CCDC18: variants seen among roughly 807,000 people sequenced by gnomAD.
CCDC18 encodes the protein coiled-coil domain containing 18.
In CCDC18, 157 loss-of-function variants were observed where a neutral mutation model predicts 196.0. The observed-to-expected ratio is 0.80, with a 90% CI of 0.70 to 0.91. The LOEUF (loss-of-function observed/expected upper bound fraction) is 0.91, where lower values mean the gene tolerates loss of function less well. Among genes scored for constraint, CCDC18 ranks in the 40% least tolerant of loss-of-function variants. CCDC18 has a pLI of 0.00. For missense variants in CCDC18, 1,465 were observed against 1,611.6 expected, an observed-to-expected ratio of 0.91 and a Z score of 1.56; for synonymous variants, 482 against 529.2, an observed-to-expected ratio of 0.91 and a Z score of 1.22.
At chr1:93,210,778 A>C in intron 9 of CCDC18, 24 bp from the exon 10 acceptor site, 3 of 1,545,274 alleles carry the variant, frequency 1.9e-6, no homozygotes, top group Non-Finnish European at 1.8e-6. Flanking sequence ...ATAAGTTTAC[A>C]TATGTTTGTT....
chr1:93,224,652 G>A (rs1658005315), intron 16 of CCDC18, among the ~76,000 whole-genome samples: 1 of 152,072 alleles, frequency 6.6e-6, no homozygotes, highest in South Asian at 2.1e-4. Flanking sequence ...TTATTTTAAG[G>A]GCATACATTT....
intron 24 of CCDC18, among the ~76,000 whole-genome samples, chr1:93,255,704 C>T (rs925574901): frequency 6.6e-6 from 1 of 150,624 alleles, no homozygotes; most frequent in Non-Finnish European, 1.5e-5. Context: ...CCACTGCCCT[C>T]CAATCTGGGC....
chr1:93,198,085 G>C (rs1653101436), intron 6 of CCDC18, among the ~76,000 whole-genome samples: 1 of 152,100 alleles, frequency 6.6e-6, no homozygotes, highest in Non-Finnish European at 1.5e-5. Flanking sequence ...GTGTAAATTG[G>C]TAGAACCACT....
intron 12 of CCDC18, among the ~76,000 whole-genome samples, chr1:93,216,413 ATT>A (rs1418386760): frequency 6.6e-6 from 1 of 152,146 alleles, no homozygotes; most frequent in East Asian, 1.9e-4. Flanking sequence ...TGTTTTCAGT[ATT>A]TGTTTTTCTT....
intron 28 of CCDC18, among the ~76,000 whole-genome samples, chr1:93,277,183 C>T (rs2101594381): frequency 2.8e-5 from 1 of 35,968 alleles, no homozygotes; most frequent in Middle Eastern, 5.6e-3. Flanking sequence ...CGGTTTTTCC[C>T]TATCTCAGTA....
At chr1:93,268,081 T>A (rs1173431600) in intron 27 of CCDC18, among the ~76,000 whole-genome samples, 1 of 152,084 alleles carries the variant, frequency 6.6e-6, no homozygotes, top group East Asian at 1.9e-4. Flanking sequence ...AACAGAGATA[T>A]AGACCAATGG....
intron 21 of CCDC18, among the ~76,000 whole-genome samples, chr1:93,240,476 C>A (rs1416072686): frequency 6.6e-6 from 1 of 151,948 alleles, no homozygotes; most frequent in Non-Finnish European, 1.5e-5. Context: ...GGTGTACAGC[C>A]AGATTAGAGC....
chr1:93,221,506 C>T, intron 14 of CCDC18, 103 bp from the exon 15 acceptor site: 3 of 812,920 alleles, frequency 3.7e-6, no homozygotes, highest in South Asian at 3.2e-5. Context: ...TGGCAAAATA[C>T]AAAAATCTAT....
chr1:93,180,882 G>A (rs886442411), intron 1 of CCDC18, 30 bp downstream of exon 1: 1 of 1,365,572 alleles, frequency 7.3e-7, no homozygotes, highest in Non-Finnish European at 9.8e-7. Context: ...CGATTTGGGT[G>A]GTGAGCGACT....
chr1:93,209,434 T>C lies in CCDC18; in HGVS notation c.1210-1368T>C, dbSNP rs184323401. ...ATAGGTAAATATATTATGGTTGGTT[T>C]CAGATATGAATGTATGGTAGACTAG... On this transcript the variant is annotated intron_variant, in intron 9 of 28. Transcript: ENST00000690025. 4.6e-5 allele frequency among the ~76,000 whole-genome samples: 7 copies of C among 152,330 alleles called. No individual in the cohort carries two copies. The East Asian group carries it at 1.3e-3, about 29-fold the overall frequency.
chr1:93,200,168 T>C (rs573081384), intron 6 of CCDC18, among the ~76,000 whole-genome samples: 9 of 151,892 alleles, frequency 5.9e-5, no homozygotes, highest in Non-Finnish European at 8.8e-5. Context: ...GTAGAGACGA[T>C]CTCACTACGT....
Position 93,263,325 on chromosome 1 carries a change from T to A in CCDC18, c.3685-1376T>A, listed in dbSNP as rs535087511. Among the ~76,000 whole-genome samples the A allele has an allele frequency of 2.0e-5, 3 of 152,362 alleles. No homozygotes were observed. The South Asian group carries it at 6.2e-4, about 32-fold the overall frequency. On this transcript the variant is annotated intron_variant, in intron 26 of 28. Transcript: ENST00000690025. ...CTACCACATGGCCAAGCTGCAATTT[T>A]TTTTTAACTTTTATGCTCTGCTTCC... is the stretch of plus-strand genomic sequence containing the variant.
At chr1:93,277,522 C>T (rs7520340) in intron 28 of CCDC18, among the ~76,000 whole-genome samples, 1 of 135,534 alleles carries the variant, frequency 7.4e-6, no homozygotes, top group African/African-American at 3.3e-5. Flanking sequence ...GCATGCTGCC[C>T]TCAAGCATCT....
At chr1:93,270,878 G>T in intron 28 of CCDC18, 64 bp downstream of exon 28, 1 of 1,366,948 alleles carries the variant, frequency 7.3e-7, no homozygotes, top group Non-Finnish European at 9.6e-7. Flanking sequence ...TTTATTACTT[G>T]GAAGAAAATT....
At chr1:93,182,403 C>T (rs1649882495) in intron 1 of CCDC18, among the ~76,000 whole-genome samples, 1 of 152,126 alleles carries the variant, frequency 6.6e-6, no homozygotes, top group African/African-American at 2.4e-5. Flanking sequence ...ACGTAATGCA[C>T]AGGACTTTTA....
intron 18 of CCDC18, among the ~76,000 whole-genome samples, chr1:93,234,934 A>AGTGTGT (rs759186009): frequency 6.4e-3 from 431 of 67,864 alleles, no homozygotes; most frequent in East Asian, 8.1e-3. Flanking sequence ...TGCCCAGCTA[A>AGTGTGT]GAGTGTGTGT....
chr1:93,248,120 A>G (rs1337734489), intron 23 of CCDC18, among the ~76,000 whole-genome samples: 1 of 148,140 alleles, frequency 6.8e-6, no homozygotes, highest in South Asian at 2.1e-4. Flanking sequence ...GGTTCAAGCA[A>G]TTCTCTGCCT....
At chr1:93,186,299 T>TCAATTAAGG in intron 3 of CCDC18, 46 bp from the exon 4 acceptor site, 1 of 1,532,224 alleles carries the variant, frequency 6.5e-7, no homozygotes, top group Non-Finnish European at 8.9e-7. Flanking sequence ...ATGTAACCCT[T>TCAATTAAGG]AATTGAAATA....
chr1:93,210,272 C>T (rs1402267577), intron 9 of CCDC18, among the ~76,000 whole-genome samples: 1 of 152,194 alleles, frequency 6.6e-6, no homozygotes, highest in African/African-American at 2.4e-5. Flanking sequence ...TCCAAACATA[C>T]AGAAAGGTGC....
Sources: gnomAD v4.1 joint callset for allele counts (sites outside exome capture counted in the v4.1 genomes callset) on GRCh38, gnomAD v4.1.1 for gene constraint, MANE v1.5 for transcripts, NCBI Gene and HGNC (gene_info 2026-07-23, HGNC 2026-07-21) for gene names.